The following SPECC1L variants were observed in gnomAD, a reference collection of about 807,000 sequenced individuals.
SPECC1L encodes cytospin-A.
In SPECC1L, 40 loss-of-function variants were observed where a neutral mutation model predicts 116.8. The ratio of observed to expected loss-of-function variants is 0.34; its 90% CI spans 0.27 to 0.45. The LOEUF (loss-of-function observed/expected upper bound fraction) is 0.45. SPECC1L is among the 20% of genes least tolerant of loss of function. SPECC1L has a pLI of 1.00. For missense variants in SPECC1L, 1,110 were observed against 1,373.6 expected, an observed-to-expected ratio of 0.81 and a Z score of 3.03; for synonymous variants, 504 against 500.6, an observed-to-expected ratio of 1.01 and a Z score of -0.09.
intron 8 of SPECC1L, among the ~76,000 whole-genome samples, chr22:24,331,585 AAG>A (rs1317301755): frequency 2.0e-5 from 3 of 152,186 alleles, no homozygotes; most frequent in Non-Finnish European, 2.9e-5. Context: ...TGCTTTCTGA[AAG>A]AGGTAGCATC....
intron 14 of SPECC1L, among the ~76,000 whole-genome samples, chr22:24,410,063 G>A (rs1164603506): frequency 3.3e-5 from 5 of 152,270 alleles, no homozygotes; most frequent in African/African-American, 9.6e-5. Context: ...AGGTGGCATG[G>A]AGAGCACATA....
At position 24,278,947 on chromosome 22, in the gene SPECC1L, G is replaced by A. The variant is rs5760303; in HGVS notation, c.-38+2144G>A. Among the ~76,000 whole-genome samples the A allele has an allele frequency of 0.01, 1,572 of 152,240 alleles. 73 individuals are homozygous for A. In the South Asian group the frequency reaches 0.12, roughly 11 times the overall value. On this transcript the variant is annotated intron_variant, in intron 2 of 16. Transcript: ENST00000314328. ...CAGTCCTTGGTAGCACAGTTTGTACGTTTATAAATTTTATCCAAATCCTCT... is the reference window on the plus strand; with the variant it reads ...CAGTCCTTGGTAGCACAGTTTGTACATTTATAAATTTTATCCAAATCCTCT...
chr22:24,412,042 G>T (rs889369596), intron 15 of SPECC1L: 2 of 413,564 alleles, frequency 4.8e-6, no homozygotes, highest in African/African-American at 4.1e-5. Context: ...GTGCTGACCA[G>T]GCCAGGCCAG....
chr22:24,363,182 A>G, intron 11 of SPECC1L, 79 bp from the exon 12 acceptor site: 1 of 1,282,912 alleles, frequency 7.8e-7, no homozygotes, highest in South Asian at 1.2e-5. Flanking sequence ...AAAGGAGTAA[A>G]ACTCACCTTC....
intron 14 of SPECC1L, among the ~76,000 whole-genome samples, chr22:24,379,098 A>G (rs1007326328): frequency 5.5e-5 from 8 of 145,864 alleles, no homozygotes; most frequent in South Asian, 4.3e-4. Flanking sequence ...TTGCTAGACA[A>G]TAACTTAAAT....
At chr22:24,343,485 G>C in intron 10 of SPECC1L, 1 of 448,608 alleles carries the variant, frequency 2.2e-6, no homozygotes, top group Non-Finnish European at 4.5e-6. Flanking sequence ...TTTTGAGATG[G>C]AGTCTAGTTC....
rs114693028 is a variant in SPECC1L, at chr22:24,370,420, A to G, written c.3087+1100A>G. Among the ~76,000 whole-genome samples the G allele has an allele frequency of 9.4e-4, 143 of 152,380 alleles. 1 individual carries two copies. Among genetic ancestry groups the G allele is most frequent in the African/African-American group, 3.2e-3 (133 of 41,596 alleles). On this transcript the variant is annotated intron_variant, in intron 14 of 16. Transcript: ENST00000314328. ...CAGCTTCCACTGGCTAACAAAGGAG[A>G]TAAGTAGTGTTGGCAAAGATGTGGA...
chr22:24,359,057 G>T (rs5760364), intron 11 of SPECC1L, among the ~76,000 whole-genome samples: 12,077 of 151,772 alleles, frequency 0.08, 926 homozygotes, highest in African/African-American at 0.19. Flanking sequence ...CTTTACCGGC[G>T]AGCTCCTTTC....
intron 11 of SPECC1L, among the ~76,000 whole-genome samples, chr22:24,353,743 G>A (rs1192142794): frequency 1.3e-5 from 2 of 152,086 alleles, no homozygotes; most frequent in Non-Finnish European, 2.9e-5. Context: ...TACTGCAGAG[G>A]TGATGTGTCC....
chr22:24,404,773 A>T (rs1297749526), intron 14 of SPECC1L, among the ~76,000 whole-genome samples: 6 of 152,236 alleles, frequency 3.9e-5, no homozygotes, highest in Admixed American at 3.3e-4. Context: ...GTCCAGCAAG[A>T]TGCCCGCCCA....
At chr22:24,315,333 C>T (rs746967335) in intron 4 of SPECC1L, among the ~76,000 whole-genome samples, 73 of 152,258 alleles carry the variant, frequency 4.8e-4, no homozygotes, top group Non-Finnish European at 9.1e-4. Context: ...ATTTTATCCT[C>T]ACCTGTAGTC....
intron 6 of SPECC1L, among the ~76,000 whole-genome samples, chr22:24,325,744 C>T (rs1043889287): frequency 6.6e-6 from 1 of 151,968 alleles, no homozygotes; most frequent in Non-Finnish European, 1.5e-5. Context: ...CTAAGATGAC[C>T]AGGTAGCTTA....
chr22:24,317,087 T>C (rs1357477150), intron 4 of SPECC1L, among the ~76,000 whole-genome samples: 1 of 106,088 alleles, frequency 9.4e-6, no homozygotes, highest in African/African-American at 3.4e-5. Context: ...GCGGTGGGGC[T>C]GACCCCCCCA....
intron 10 of SPECC1L, 77 bp downstream of exon 10, chr22:24,338,554 C>T (rs1000440289): frequency 6.2e-6 from 8 of 1,297,842 alleles, no homozygotes; most frequent in Non-Finnish European, 8.9e-6. Flanking sequence ...CAGTCATTTA[C>T]ACCTGTATTA....
intron 10 of SPECC1L, among the ~76,000 whole-genome samples, chr22:24,339,515 G>T (rs1355038524): frequency 2.0e-5 from 3 of 152,200 alleles, no homozygotes; most frequent in Non-Finnish European, 2.9e-5. Flanking sequence ...TCAAGAGGCC[G>T]CTCATTGTGC....
chr22:24,295,767 G>A (rs1292055092), intron 2 of SPECC1L, among the ~76,000 whole-genome samples: 4 of 152,092 alleles, frequency 2.6e-5, no homozygotes, highest in Non-Finnish European at 5.9e-5. Flanking sequence ...TGGCCAACAT[G>A]GTGAAACCTG....
At chr22:24,404,086 G>GC (rs2042534775) in intron 14 of SPECC1L, among the ~76,000 whole-genome samples, 1 of 152,204 alleles carries the variant, frequency 6.6e-6, no homozygotes, top group Non-Finnish European at 1.5e-5. Context: ...CATCACTGCT[G>GC]CATTGACCAC....
intron 14 of SPECC1L, among the ~76,000 whole-genome samples, chr22:24,387,217 CAAA>C (rs942418004): frequency 6.6e-6 from 1 of 151,466 alleles, no homozygotes; most frequent in African/African-American, 2.4e-5. Context: ...ACAAAACAAG[CAAA>C]AAAAAGAATA....
At chr22:24,372,371 C>G (rs929233104) in intron 14 of SPECC1L, among the ~76,000 whole-genome samples, 10 of 152,112 alleles carry the variant, frequency 6.6e-5, no homozygotes, top group Non-Finnish European at 1.5e-4. Flanking sequence ...AACATTGATG[C>G]AAAAATCCTC....
Sources: gnomAD v4.1 joint callset for allele counts (sites outside exome capture counted in the v4.1 genomes callset) on GRCh38, gnomAD v4.1.1 for gene constraint, MANE v1.5 for transcripts, NCBI Gene and HGNC (gene_info 2026-07-23, HGNC 2026-07-21) for gene names.